The following NFIB variants were observed in gnomAD, a reference collection of about 807,000 sequenced individuals.
The protein encoded by NFIB is nuclear factor I B.
In NFIB, 11 loss-of-function variants were observed where a neutral mutation model predicts 61.5. The ratio of observed to expected loss-of-function variants is 0.18; its 90% CI spans 0.11 to 0.30. NFIB has a LOEUF of 0.30. Ranked by LOEUF, NFIB falls within the 10% of genes least tolerant of loss-of-function variation. The probability of loss-of-function intolerance (pLI) is 1.00; values close to 1 mark genes in which losing one functional copy is unlikely to be tolerated. For synonymous variants in NFIB, 260 were observed against 216.5 expected (o/e 1.20, Z -1.76); for missense variants, 471 against 608.9 (o/e 0.77, Z 2.38).
At chr9:14,403,969 A>T (rs1392396120), upstream of NFIB, among the ~76,000 whole-genome samples, 1 of 149,866 alleles carries the variant, frequency 6.7e-6, no homozygotes, top group Non-Finnish European at 1.5e-5. Context: ...CTCTTTGGAT[A>T]AAAAAAATTA....
At chr9:14,525,952 G>A in the NFIB span, among the ~76,000 whole-genome samples, 1 of 152,106 alleles carries the variant, frequency 6.6e-6, no homozygotes, top group Admixed American at 6.5e-5. Flanking sequence ...CGTGGACCTT[G>A]TATTTACAAA....
At chr9:14,162,047 A>T (rs1169978973) in intron 3 of NFIB, among the ~76,000 whole-genome samples, 1 of 152,130 alleles carries the variant, frequency 6.6e-6, no homozygotes, top group Non-Finnish European at 1.5e-5. Context: ...AATAAAATGG[A>T]CTCATTTCAG....
the NFIB span, among the ~76,000 whole-genome samples, chr9:14,524,024 T>C: frequency 6.6e-6 from 1 of 152,152 alleles, no homozygotes; most frequent in Non-Finnish European, 1.5e-5. Context: ...TTACCATTGA[T>C]CAACCCAGAA....
the NFIB span, among the ~76,000 whole-genome samples, chr9:14,429,021 T>G: frequency 6.6e-6 from 1 of 152,164 alleles, no homozygotes; most frequent in East Asian, 1.9e-4. Context: ...GGCTCTTTGC[T>G]TATTATCAGA....
the NFIB span, among the ~76,000 whole-genome samples, chr9:14,421,803 C>A: frequency 6.6e-6 from 1 of 152,110 alleles, no homozygotes; most frequent in African/African-American, 2.4e-5. Context: ...CCAAAGCATA[C>A]CCAATTCTTC....
At chr9:14,524,731 A>G in the NFIB span, among the ~76,000 whole-genome samples, 1 of 152,224 alleles carries the variant, frequency 6.6e-6, no homozygotes, top group African/African-American at 2.4e-5. Context: ...ATTTGCAGAT[A>G]GCATCATACA....
intron 3 of NFIB, among the ~76,000 whole-genome samples, chr9:14,156,256 G>A (rs980177545): frequency 2.6e-5 from 4 of 152,050 alleles, no homozygotes; most frequent in Non-Finnish European, 4.4e-5. Flanking sequence ...GAAAGAAAAA[G>A]GAAACCACAA....
intron 1 of NFIB, among the ~76,000 whole-genome samples, chr9:14,346,449 C>G (rs2061023962): frequency 6.6e-6 from 1 of 152,132 alleles, no homozygotes. Context: ...CTGGCAGGGT[C>G]AAGTCCGATT....
chr9:14,500,545 A>T, the NFIB span, among the ~76,000 whole-genome samples: 1 of 152,102 alleles, frequency 6.6e-6, no homozygotes, highest in African/African-American at 2.4e-5. Context: ...AAAGAGTCAC[A>T]CTGTCCTTTA....
chr9:14,142,260 G>A (rs373219766), intron 6 of NFIB, among the ~76,000 whole-genome samples: 74 of 152,104 alleles, frequency 4.9e-4, no homozygotes, highest in African/African-American at 9.2e-4. Context: ...TGTTGTTCTC[G>A]TGATAGTGAA....
At chr9:14,398,702 G>A in exon 1 of NFIB, 2 of 1,120,634 alleles carry the variant, frequency 1.8e-6, no homozygotes, top group Non-Finnish European at 2.5e-6. Flanking sequence ...TAGAATGTTT[G>A]CTCCAGGTCA....
chr9:14,356,738 T>C (rs999370798), intron 1 of NFIB, among the ~76,000 whole-genome samples: 3 of 152,172 alleles, frequency 2.0e-5, no homozygotes, highest in Admixed American at 6.5e-5. Flanking sequence ...AGGGTCTGGG[T>C]GATCCTGAGC....
the NFIB span, among the ~76,000 whole-genome samples, chr9:14,423,079 A>G: frequency 6.6e-6 from 1 of 152,342 alleles, no homozygotes; most frequent in East Asian, 1.9e-4. Flanking sequence ...AAGTATGCCC[A>G]CATGCCAGTA....
chr9:14,427,804 C>G, the NFIB span, among the ~76,000 whole-genome samples: 3 of 151,816 alleles, frequency 2.0e-5, no homozygotes, highest in Non-Finnish European at 4.4e-5. Flanking sequence ...CTGGTATAAG[C>G]AGGAAATTTG....
rs374239381 is a variant in NFIB at position 14,146,658 on chromosome 9, T to C, written c.925+31A>G. 1.2e-5 allele frequency: 19 copies of C among 1,612,512 alleles called. No individual in the cohort carries two copies. In the East Asian group the frequency reaches 1.3e-4, roughly 11 times the overall value. On this transcript the variant is annotated intron_variant, in intron 6 of 10. Transcript: ENST00000380953. ...AAGAAACGAGCCAACATTTTACTCA[T>C]GGTCTCTAGAGGCATCTCCTTATTA...
chr9:14,427,943 T>TTTTTTTTTTTTTTG, the NFIB span, among the ~76,000 whole-genome samples: 1 of 76,410 alleles, frequency 1.3e-5, no homozygotes, highest in African/African-American at 7.6e-5. Flanking sequence ...AGTTGTTTTT[T>TTTTTTTTTTTTTTG]TTTTTTTTTT....
chr9:14,360,757 A>G (rs1014166167), intron 1 of NFIB, among the ~76,000 whole-genome samples: 12 of 151,920 alleles, frequency 7.9e-5, no homozygotes, highest in South Asian at 2.1e-4. Context: ...TGTTAGCCAG[A>G]ATGGTCTCGA....
In NFIB at chr9:14,271,647, G is replaced by A. The variant is rs560690860; in HGVS notation, c.562+35342C>T. On this transcript the variant is annotated intron_variant, in intron 2 of 10. Coordinates refer to ENST00000380953, the MANE Select transcript of NFIB (RefSeq NM_001190737.2). The stretch of plus-strand genomic sequence containing the variant: ...TCCTATCTTTCCAAGTGAAACTGAC[G>A]AAGAGGGATGAGGTGGTTGGCCAGA... 7.2e-4 allele frequency among the ~76,000 whole-genome samples: 109 copies of A among 152,266 alleles called. 1 individual carries two copies. The highest frequency in any genetic ancestry group is 1.3e-3 in the Non-Finnish European group (89 of 68,016).
At chr9:14,286,333 G>C (rs1392409161) in intron 2 of NFIB, among the ~76,000 whole-genome samples, 1 of 152,104 alleles carries the variant, frequency 6.6e-6, no homozygotes, top group African/African-American at 2.4e-5. Flanking sequence ...GCAGCGCAGA[G>C]TCCAGAAATA....
Sources: allele counts gnomAD v4.1 joint callset (sites outside exome capture counted in the v4.1 genomes callset), GRCh38; gene constraint gnomAD v4.1.1; transcripts MANE v1.5; gene names NCBI Gene and HGNC (gene_info 2026-07-23, HGNC 2026-07-21).